AGBL4: variants seen among roughly 807,000 people sequenced by gnomAD.
AGBL4 encodes the protein cytosolic carboxypeptidase 6.
A neutral mutation model predicts 66.4 loss-of-function variants in AGBL4; 58 were observed. The ratio of observed to expected loss-of-function variants is 0.87; its 90% CI spans 0.71 to 1.09. AGBL4 has a LOEUF of 1.09. AGBL4 is among the 50% of genes least tolerant of loss of function. The pLI is 0.00. For synonymous variants in AGBL4, 234 were observed against 222.9 expected, an observed-to-expected ratio of 1.05 and a Z score of -0.44; for missense variants, 579 against 631.0, an observed-to-expected ratio of 0.92 and a Z score of 0.88.
intron 5 of AGBL4, among the ~76,000 whole-genome samples, chr1:48,968,862 G>A (rs1472495594): frequency 6.6e-6 from 1 of 152,128 alleles, no homozygotes; most frequent in Non-Finnish European, 1.5e-5. Flanking sequence ...CCAGCATCAA[G>A]AGAAACCAGG....
At chr1:49,828,228 T>C (rs939548895) in intron 2 of AGBL4, among the ~76,000 whole-genome samples, 1 of 152,198 alleles carries the variant, frequency 6.6e-6, no homozygotes, top group Non-Finnish European at 1.5e-5. Context: ...GCCTACTCTA[T>C]GTTAGGCTCT....
At chr1:48,551,592 G>C (rs760633636) in intron 11 of AGBL4, among the ~76,000 whole-genome samples, 18 of 152,146 alleles carry the variant, frequency 1.2e-4, no homozygotes, top group Non-Finnish European at 2.4e-4. Flanking sequence ...AGATGAGAGA[G>C]AGAGAAAGAA....
chr1:49,536,891 C>T (rs1368783780), intron 3 of AGBL4, among the ~76,000 whole-genome samples: 1 of 151,958 alleles, frequency 6.6e-6, no homozygotes, highest in Non-Finnish European at 1.5e-5. Context: ...GCCTGTAATG[C>T]CAGCCATCGG....
At chr1:48,904,333 T>C (rs751588290) in intron 5 of AGBL4, among the ~76,000 whole-genome samples, 1 of 152,168 alleles carries the variant, frequency 6.6e-6, no homozygotes, top group Admixed American at 6.5e-5. Context: ...TTAGTTAACT[T>C]ATCTATGAAA....
At chr1:49,489,872 T>C (rs181738030) in intron 3 of AGBL4, among the ~76,000 whole-genome samples, 6 of 151,938 alleles carry the variant, frequency 3.9e-5, no homozygotes, top group South Asian at 2.1e-4. Context: ...TTCTTTTCTA[T>C]CGGTTTATGT....
rs541463509 is a variant in AGBL4 at position 49,880,876 on chromosome 1, A to C, written c.35-29358T>G. 4.1e-3 allele frequency among the ~76,000 whole-genome samples: 630 copies of C among 152,008 alleles called. 2 individuals are homozygous for C. Among genetic ancestry groups the C allele is most frequent in the Middle Eastern group, 0.02 (6 of 294 alleles). On this transcript the variant is annotated intron_variant, in intron 1 of 13. Coordinates refer to ENST00000371839, the MANE Select transcript of AGBL4 (RefSeq NM_032785.4). Reference sequence around the variant, plus strand: ...ATAGTCTCGTGGTGCGCCGTTTTTTAAGCCGGTCTGAAAAGCACAATATTC... The same window carrying C: ...ATAGTCTCGTGGTGCGCCGTTTTTTCAGCCGGTCTGAAAAGCACAATATTC...
intron 2 of AGBL4, among the ~76,000 whole-genome samples, chr1:49,830,781 T>C (rs939574623): frequency 2.1e-4 from 32 of 152,186 alleles, no homozygotes; most frequent in Non-Finnish European, 2.9e-5. Flanking sequence ...AGTTAATTTT[T>C]GTATAAGGTG....
chr1:49,930,723 C>T (rs1653250793), intron 1 of AGBL4, among the ~76,000 whole-genome samples: 1 of 152,012 alleles, frequency 6.6e-6, no homozygotes, highest in Non-Finnish European at 1.5e-5. Flanking sequence ...AATACCCACT[C>T]AATAAGATTC....
chr1:49,708,644 T>C (rs1429111111), intron 2 of AGBL4, among the ~76,000 whole-genome samples: 3 of 152,162 alleles, frequency 2.0e-5, no homozygotes, highest in Non-Finnish European at 4.4e-5. Context: ...TTCAGTTTTT[T>C]GAATTTTCAG....
intron 11 of AGBL4, among the ~76,000 whole-genome samples, chr1:48,548,239 A>T (rs755036318): frequency 9.8e-5 from 9 of 91,656 alleles, no homozygotes; most frequent in Non-Finnish European, 1.9e-4. Context: ...TGCTGGGGCC[A>T]AGAAGAAGAT....
At chr1:48,603,526 G>C (rs930015247) in intron 9 of AGBL4, among the ~76,000 whole-genome samples, 5 of 152,198 alleles carry the variant, frequency 3.3e-5, no homozygotes, top group South Asian at 2.1e-4. Flanking sequence ...GGGACACAGA[G>C]GGGGGTGAGG....
chr1:49,844,871 T>G (rs1646095732), intron 2 of AGBL4: 4 of 1,471,998 alleles, frequency 2.7e-6, no homozygotes, highest in Non-Finnish European at 2.8e-6. Context: ...CTGGCAGTGC[T>G]GGCAGCCTTG....
chr1:48,624,827 T>C (rs1350701230), intron 9 of AGBL4, among the ~76,000 whole-genome samples: 1 of 152,142 alleles, frequency 6.6e-6, no homozygotes, highest in African/African-American at 2.4e-5. Flanking sequence ...CTTGGAATGT[T>C]TTTTTCTCCA....
intron 4 of AGBL4, among the ~76,000 whole-genome samples, chr1:49,142,265 G>A (rs985253662): frequency 1.3e-5 from 2 of 152,078 alleles, no homozygotes; most frequent in Non-Finnish European, 2.9e-5. Context: ...TGCCAAAAAG[G>A]TTGGAGACTG....
At chr1:49,918,418 C>T (rs953044688) in intron 1 of AGBL4, among the ~76,000 whole-genome samples, 17 of 152,168 alleles carry the variant, frequency 1.1e-4, no homozygotes, top group Non-Finnish European at 2.4e-4. Context: ...CCACCGATCC[C>T]ACAGAAATAC....
At chr1:49,017,904 G>C (rs1662939256) in intron 5 of AGBL4, among the ~76,000 whole-genome samples, 1 of 152,168 alleles carries the variant, frequency 6.6e-6, no homozygotes, top group Non-Finnish European at 1.5e-5. Context: ...AATGACTTAG[G>C]AACTGGCATT....
At position 49,371,248 on chromosome 1, in the gene AGBL4, G is replaced by GATAGATACATAC. The variant is rs1220363831; in HGVS notation, c.283-125385_283-125384insGTATGTATCTAT. ...AGATATATAGATAGATAGATAGATA[G>GATAGATACATAC]ATACATACATACATACATACATACA... On this transcript the variant is annotated intron_variant, in intron 3 of 13. Coordinates refer to ENST00000371839, the MANE Select transcript of AGBL4 (RefSeq NM_032785.4). Among the ~76,000 whole-genome samples the GATAGATACATAC allele has an allele frequency of 2.6e-3, 353 of 137,964 alleles. 3 individuals carry two copies. Among genetic ancestry groups the GATAGATACATAC allele is most frequent in the Middle Eastern group, 0.015 (4 of 272 alleles). The allele number at this position is 137,964 out of a possible 152,430, so 90.5% of individuals were successfully genotyped here. A position where few individuals can be genotyped will look rare whatever the true frequency, so the allele number is the denominator to read the frequency against.
chr1:48,579,566 G>T (rs1644705569), intron 11 of AGBL4, among the ~76,000 whole-genome samples: 2 of 151,102 alleles, frequency 1.3e-5, no homozygotes, highest in African/African-American at 4.9e-5. Context: ...ATCAAGAACT[G>T]GGCATCTTAC....
At chr1:49,458,396 A>C (rs1416245039) in intron 3 of AGBL4, among the ~76,000 whole-genome samples, 3 of 151,664 alleles carry the variant, frequency 2.0e-5, no homozygotes, top group African/African-American at 4.8e-5. Flanking sequence ...TGTGTGCACT[A>C]ATTTGGTATC....
Sources: allele counts gnomAD v4.1 joint callset (sites outside exome capture counted in the v4.1 genomes callset), GRCh38; gene constraint gnomAD v4.1.1; transcripts MANE v1.5; gene names NCBI Gene and HGNC (gene_info 2026-07-23, HGNC 2026-07-21).